ZCCHC2: variants seen among roughly 807,000 people sequenced by gnomAD.
ZCCHC2 encodes zinc finger CCHC domain-containing protein 2.
In ZCCHC2, 39 loss-of-function variants were observed where a neutral mutation model predicts 103.6. That is an observed-to-expected ratio of 0.38 (90% confidence interval 0.29 to 0.49). The LOEUF is 0.49. Ranked by LOEUF, ZCCHC2 falls within the 20% of genes least tolerant of loss-of-function variation. The probability of loss-of-function intolerance (pLI) is 0.96; values close to 1 mark genes in which losing one functional copy is unlikely to be tolerated. For missense variants in ZCCHC2, 1,483 were observed against 1,491.0 expected (o/e 0.99, Z 0.09); for synonymous variants, 687 against 608.9 (o/e 1.13, Z -1.89).
rs1025630748 is a variant in ZCCHC2, at chr18:62,523,025, A to C, written c.-400A>C. 1 of 151,680 alleles carries C rather than the reference A, an allele frequency of 6.6e-6. No individual in the cohort carries two copies. The highest frequency in any genetic ancestry group is 2.4e-5 in the African/African-American group (1 of 41,110). The allele number at this position is 151,680 out of a possible 1,614,324, so 9.4% of individuals were successfully genotyped here. A position where few individuals can be genotyped will look rare whatever the true frequency, so the allele number is the denominator to read the frequency against. ...CTTCTCCGCCCGGCCCGGCTGCTCCACCTCCTCACCCAGCCGCTCCGTCCT... is the reference window on the plus strand; with the variant it reads ...CTTCTCCGCCCGGCCCGGCTGCTCCCCCTCCTCACCCAGCCGCTCCGTCCT... On this transcript the variant is annotated 5_prime_UTR_variant, in exon 1 of 14. Transcript: ENST00000269499.
chr18:62,579,775 T>C (rs953601950), downstream of ZCCHC2, among the ~76,000 whole-genome samples: 1 of 151,980 alleles, frequency 6.6e-6, no homozygotes, highest in African/African-American at 2.4e-5. Flanking sequence ...CAGGCTGGAG[T>C]GCAATGGTGC....
chr18:62,528,280 A>T (rs940309127), intron 1 of ZCCHC2, among the ~76,000 whole-genome samples: 2 of 152,278 alleles, frequency 1.3e-5, no homozygotes, highest in South Asian at 4.1e-4. Context: ...TCCTTCACTT[A>T]CTAAAAGTAG....
intron 1 of ZCCHC2, among the ~76,000 whole-genome samples, chr18:62,537,037 C>T (rs1211254640): frequency 6.6e-6 from 1 of 152,028 alleles, no homozygotes; most frequent in Non-Finnish European, 1.5e-5. Context: ...TTTTAGTGTA[C>T]GGTTCAGTAG....
intron 8 of ZCCHC2, 51 bp from the exon 9 acceptor site, chr18:62,562,958 G>T (rs17668713): frequency 0.2 from 311,817 of 1,565,746 alleles, 34,868 homozygotes; most frequent in Non-Finnish European, 0.23. Context: ...AAATGAAATA[G>T]GTTATTATTG....
In ZCCHC2 at chr18:62,523,760, G is replaced by C. The variant is rs990676839; in HGVS notation, c.336G>C (p.Leu112=). Residue 112 remains leucine, a synonymous_variant, in exon 1 of 14, where the codon CTG becomes CTC. Transcript: ENST00000269499. ...FGLVLGSAQR[L]EFMCGLLDLC... is the part of the protein sequence containing the mutation. ...TGGTGCTGGGCTCGGCGCAGCGCCT[G>C]GAGTTCATGTGCGGGCTGCTGGACC... is the stretch of plus-strand genomic sequence containing the variant. 3.4e-5 allele frequency: 52 copies of C among 1,534,330 alleles called. No homozygotes were observed. The African/African-American group carries it at 6.2e-4, about 18-fold the overall frequency.
At chr18:62,568,105 T>A (rs1916449292) in intron 11 of ZCCHC2, among the ~76,000 whole-genome samples, 2 of 152,188 alleles carry the variant, frequency 1.3e-5, no homozygotes, top group African/African-American at 4.8e-5. Context: ...CTAGCTTCGT[T>A]TAATATCCCA....
intron 2 of ZCCHC2, among the ~76,000 whole-genome samples, chr18:62,540,341 A>G (rs1026470354): frequency 2.0e-5 from 3 of 152,124 alleles, no homozygotes; most frequent in African/African-American, 7.2e-5. Flanking sequence ...GAAATGGAAA[A>G]TGTAGACTGC....
At chr18:62,553,154 TTATG>T (rs1188730938) in intron 5 of ZCCHC2, among the ~76,000 whole-genome samples, 142 of 125,812 alleles carry the variant, frequency 1.1e-3, no homozygotes, top group Middle Eastern at 3.8e-3. Context: ...GCCCTTAGAT[TTATG>T]TGTGTGTGTG....
At chr18:62,547,955 C>G (rs765935290) in intron 4 of ZCCHC2, among the ~76,000 whole-genome samples, 1 of 152,218 alleles carries the variant, frequency 6.6e-6, no homozygotes, top group Non-Finnish European at 1.5e-5. Context: ...TCTTCCCTCA[C>G]TGCAGTATCC....
intron 11 of ZCCHC2, among the ~76,000 whole-genome samples, chr18:62,568,204 G>A (rs1025008918): frequency 6.6e-6 from 1 of 152,004 alleles, no homozygotes; most frequent in Non-Finnish European, 1.5e-5. Flanking sequence ...CCAATTTCCA[G>A]TATTTTTAGT....
chr18:62,544,951 C>T, intron 4 of ZCCHC2, 78 bp downstream of exon 4: 2 of 1,174,572 alleles, frequency 1.7e-6, no homozygotes, highest in Non-Finnish European at 2.3e-6. Flanking sequence ...AAAAAAACAC[C>T]AGGAAAATTA....
rs142558999 is a variant in ZCCHC2 at position 62,557,040 on chromosome 18, C to G, written c.1408+743C>G. ...TTGCTCATTTGTACCCTTACTTAAA[C>G]ATACATCCTTTTGTCATAGCCCATT... is the stretch of plus-strand genomic sequence containing the variant. On this transcript the variant is annotated intron_variant, in intron 6 of 13. Coordinates refer to ENST00000269499, the MANE Select transcript of ZCCHC2 (RefSeq NM_017742.6). 3.9e-4 allele frequency among the ~76,000 whole-genome samples: 60 copies of G among 152,316 alleles called. No individual in the cohort carries two copies. In the East Asian group the frequency reaches 0.011, roughly 27 times the overall value.
downstream of ZCCHC2, among the ~76,000 whole-genome samples, chr18:62,583,251 A>T (rs1296719450): frequency 1.3e-5 from 2 of 152,252 alleles, no homozygotes; most frequent in African/African-American, 2.4e-5. Context: ...GATGAACGAT[A>T]TAGAAGCTAT....
At chr18:62,542,992 G>A (rs529561825) in intron 3 of ZCCHC2, among the ~76,000 whole-genome samples, 11 of 152,120 alleles carry the variant, frequency 7.2e-5, no homozygotes, top group African/African-American at 2.2e-4. Flanking sequence ...TTTGGTGCCC[G>A]TCCTTTCCAC....
chr18:62,578,854 C>CTT (rs1916962337), downstream of ZCCHC2, among the ~76,000 whole-genome samples: 1 of 152,154 alleles, frequency 6.6e-6, no homozygotes, highest in Non-Finnish European at 1.5e-5. Context: ...GCAACCTCTG[C>CTT]CTCCCTGGAT....
downstream of ZCCHC2, among the ~76,000 whole-genome samples, chr18:62,579,031 G>T (rs944879687): frequency 6.6e-6 from 1 of 152,196 alleles, no homozygotes; most frequent in African/African-American, 2.4e-5. Context: ...GCCTCCCAAA[G>T]TGGTGGGATT....
rs187730827 is a variant in ZCCHC2, at chr18:62,565,081, G to A, written c.1831G>A (p.Gly611Ser). The change falls in exon 11 of 14, where the codon GGT becomes AGT. Residue 611 changes from glycine (G) to serine (S), a missense_variant. This residue lies in a region of ZCCHC2 where 884 missense variants were observed against 907.5 expected (regional missense o/e 0.97). Transcript: ENST00000269499. ...ACTCTCCACTCCTCAGCATGCCCAT[G>A]GTGGTACTGTGAAAGGTAAGAAGGT... ...IRLSTPQHAHGGTVKDVNLDI... is the reference protein window; with the variant it reads ...IRLSTPQHAHSGTVKDVNLDI... 2.8e-4 allele frequency: 454 copies of A among 1,612,512 alleles called. 1 individual carries two copies. The African/African-American group carries it at 5.5e-3, about 20-fold the overall frequency.
exon 15 of ZCCHC2, chr18:62,586,556 T>C (rs984804976): frequency 6.6e-6 from 1 of 152,008 alleles, no homozygotes; most frequent in Non-Finnish European, 1.5e-5. Flanking sequence ...GAATTAGGCG[T>C]AGCTCTTGGG....
At chr18:62,558,041 C>G (rs1266406999) in intron 6 of ZCCHC2, among the ~76,000 whole-genome samples, 1 of 149,998 alleles carries the variant, frequency 6.7e-6, no homozygotes, top group Non-Finnish European at 1.5e-5. Flanking sequence ...TAATTGATAG[C>G]TTTATCTTTT....
Sources: allele counts gnomAD v4.1 joint callset (sites outside exome capture counted in the v4.1 genomes callset), GRCh38; gene constraint gnomAD v4.1.1; regional missense constraint gnomAD v4.1.1; transcripts MANE v1.5; gene names NCBI Gene and HGNC (gene_info 2026-07-23, HGNC 2026-07-21).